The following LAMA2 variants were observed in gnomAD, a reference collection of about 807,000 sequenced individuals.
The protein encoded by LAMA2 is laminin subunit alpha-2.
LAMA2 carries 269 observed loss-of-function variants against 364.8 expected under a neutral mutation model. The observed-to-expected ratio is 0.74, with a 90% CI of 0.67 to 0.82. The LOEUF (loss-of-function observed/expected upper bound fraction) is 0.82. Ranked by LOEUF, LAMA2 falls within the 40% of genes least tolerant of loss-of-function variation. The probability of loss-of-function intolerance (pLI) is 0.00; values close to 1 mark genes in which losing one functional copy is unlikely to be tolerated. For synonymous variants in LAMA2, 1,379 were observed against 1,370.6 expected, an observed-to-expected ratio of 1.01 and a Z score of -0.14; for missense variants, 3,807 against 3,873.2, an observed-to-expected ratio of 0.98 and a Z score of 0.45.
chr6:129,319,973 A>G (rs1487323302), intron 27 of LAMA2, among the ~76,000 whole-genome samples: 1 of 152,088 alleles, frequency 6.6e-6, no homozygotes, highest in Non-Finnish European at 1.5e-5. Context: ...TTTCTACTAA[A>G]AATACAATAA....
intron 1 of LAMA2, among the ~76,000 whole-genome samples, chr6:128,968,082 G>C (rs536120548): frequency 3.0e-4 from 46 of 152,092 alleles, no homozygotes; most frequent in Non-Finnish European, 6.2e-4. Context: ...TCAAACAAAA[G>C]GGAATCCATG....
At chr6:129,468,268 AT>A (rs1250331297) in intron 51 of LAMA2, among the ~76,000 whole-genome samples, 1 of 151,778 alleles carries the variant, frequency 6.6e-6, no homozygotes, top group Non-Finnish European at 1.5e-5. Context: ...TGATTCTTAA[AT>A]TAGACTGGGA....
intron 12 of LAMA2, among the ~76,000 whole-genome samples, chr6:129,215,703 A>G (rs1783384744): frequency 6.6e-6 from 1 of 152,108 alleles, no homozygotes; most frequent in Non-Finnish European, 1.5e-5. Flanking sequence ...TTGTCACTTT[A>G]TCTATAAAAT....
At chr6:129,275,324 A>T (rs988154051) in intron 17 of LAMA2, among the ~76,000 whole-genome samples, 1 of 152,004 alleles carries the variant, frequency 6.6e-6, no homozygotes, top group African/African-American at 2.4e-5. Flanking sequence ...ATGCCAAAGG[A>T]AAAAACTAAA....
At chr6:129,007,998 A>T (rs118029548) in intron 1 of LAMA2, among the ~76,000 whole-genome samples, 1 of 152,320 alleles carries the variant, frequency 6.6e-6, no homozygotes, top group East Asian at 1.9e-4. Flanking sequence ...TTTTAAACCT[A>T]ATGAAATACA....
At chr6:128,904,756 C>T (rs1186889620) in intron 1 of LAMA2, among the ~76,000 whole-genome samples, 3 of 152,014 alleles carry the variant, frequency 2.0e-5, no homozygotes, top group Non-Finnish European at 4.4e-5. Flanking sequence ...AGTGCCCAGC[C>T]TTCCTGCTGA....
chr6:129,212,673 C>T (rs1783177709), intron 12 of LAMA2, among the ~76,000 whole-genome samples: 1 of 152,170 alleles, frequency 6.6e-6, no homozygotes, highest in Non-Finnish European at 1.5e-5. Context: ...AATCAAGCCA[C>T]TTGTTTTCAA....
intron 15 of LAMA2, among the ~76,000 whole-genome samples, chr6:129,265,185 C>T (rs1370236074): frequency 6.6e-6 from 1 of 152,084 alleles, no homozygotes; most frequent in East Asian, 1.9e-4. Flanking sequence ...TTCCCCACAT[C>T]ACTTGTTTGG....
chr6:128,913,394 C>T (rs948853687), intron 1 of LAMA2, among the ~76,000 whole-genome samples: 8 of 152,108 alleles, frequency 5.3e-5, no homozygotes, highest in African/African-American at 1.9e-4. Context: ...TGACACATTT[C>T]TATGAAAAAA....
At position 129,213,452 on chromosome 6, in the gene LAMA2, A is replaced by C. The variant is rs546480952; in HGVS notation, c.1782+20599A>C. ...ATGCTAGTTTTGTAATAAACTGCCA[A>C]ACTATCTTCCAATATGGTTGTATAA... On this transcript the variant is annotated intron_variant, in intron 12 of 64. Coordinates refer to ENST00000421865, the MANE Select transcript of LAMA2 (RefSeq NM_000426.4). Among the ~76,000 whole-genome samples, 13 of 152,346 alleles carry C rather than the reference A, an allele frequency of 8.5e-5. No homozygotes were observed. In the East Asian group the frequency reaches 1.9e-3, roughly 23 times the overall value.
intron 3 of LAMA2, among the ~76,000 whole-genome samples, chr6:129,096,570 G>GC (rs1252023786): frequency 2.6e-5 from 4 of 152,130 alleles, no homozygotes. Flanking sequence ...TTTCTCACCT[G>GC]CAGTGATACT....
chr6:129,389,279 A>G (rs941040237), intron 35 of LAMA2, among the ~76,000 whole-genome samples: 2 of 152,220 alleles, frequency 1.3e-5, no homozygotes, highest in Non-Finnish European at 2.9e-5. Context: ...TGGCTGTCTT[A>G]GCCCATTTGG....
chr6:129,219,919 T>C (rs1783705390), intron 12 of LAMA2, among the ~76,000 whole-genome samples: 1 of 151,098 alleles, frequency 6.6e-6, no homozygotes, highest in African/African-American at 2.5e-5. Context: ...TGTATACATA[T>C]GTAACTAACT....
chr6:129,420,685 TA>T (rs983253733), intron 40 of LAMA2, among the ~76,000 whole-genome samples: 1 of 152,116 alleles, frequency 6.6e-6, no homozygotes, highest in African/African-American at 2.4e-5. Flanking sequence ...TCATCTCTAA[TA>T]AAAAAGTAAT....
At chr6:129,420,615 A>T (rs1781026781) in intron 40 of LAMA2, among the ~76,000 whole-genome samples, 1 of 152,156 alleles carries the variant, frequency 6.6e-6, no homozygotes, top group South Asian at 2.1e-4. Flanking sequence ...GTAAACAAAA[A>T]AACAGAAAAT....
At chr6:129,454,438 G>T in intron 47 of LAMA2, 150 bp downstream of exon 47, 3 of 642,990 alleles carry the variant, frequency 4.7e-6, no homozygotes, top group Non-Finnish European at 8.1e-6. Flanking sequence ...GTCTGGGAGT[G>T]GGTATGTTTG....
intron 1 of LAMA2, among the ~76,000 whole-genome samples, chr6:129,048,537 C>CT (rs1230261064): frequency 0.012 from 774 of 67,206 alleles, 9 homozygotes; most frequent in East Asian, 0.022. Context: ...TCCTTCCTTC[C>CT]TTCCTTTCTT....
chr6:129,226,205 C>A (rs1490734250), intron 12 of LAMA2, among the ~76,000 whole-genome samples: 1 of 152,134 alleles, frequency 6.6e-6, no homozygotes. Context: ...TCCTCCATCC[C>A]TTTATTTTGA....
chr6:129,232,940 G>C (rs879556059), intron 12 of LAMA2, among the ~76,000 whole-genome samples: 4 of 152,072 alleles, frequency 2.6e-5, no homozygotes, highest in Non-Finnish European at 5.9e-5. Context: ...CTTGAACCAA[G>C]GAATGTGAAT....
Sources: gnomAD v4.1 joint callset for allele counts (sites outside exome capture counted in the v4.1 genomes callset) on GRCh38, gnomAD v4.1.1 for gene constraint, MANE v1.5 for transcripts, NCBI Gene and HGNC (gene_info 2026-07-23, HGNC 2026-07-21) for gene names.